Variants in KIF26B observed in about 807,000 individuals in gnomAD.
KIF26B encodes the protein kinesin family member 26B, also known as kinesin-like protein KIF26B.
A neutral mutation model predicts 151.2 loss-of-function variants in KIF26B; 63 were observed. That is an observed-to-expected ratio of 0.42 (90% CI 0.34 to 0.51). The LOEUF (loss-of-function observed/expected upper bound fraction) is 0.51, where lower values mean the gene tolerates loss of function less well. KIF26B is among the 20% of genes least tolerant of loss of function. The probability of loss-of-function intolerance (pLI) is 0.07; values close to 1 mark genes in which losing one functional copy is unlikely to be tolerated. For synonymous variants in KIF26B, 1,357 were observed against 1,262.1 expected, an observed-to-expected ratio of 1.08 and a Z score of -1.59; for missense variants, 2,813 against 2,913.6, an observed-to-expected ratio of 0.97 and a Z score of 0.79.
intron 4 of KIF26B, among the ~76,000 whole-genome samples, chr1:245,486,430 C>T (rs1004828527): frequency 6.6e-6 from 1 of 152,188 alleles, no homozygotes; most frequent in African/African-American, 2.4e-5. Flanking sequence ...ACATATAGTG[C>T]TATATAAATG....
intron 2 of KIF26B, among the ~76,000 whole-genome samples, chr1:245,344,922 G>A (rs1488120595): frequency 2.6e-5 from 4 of 151,862 alleles, no homozygotes; most frequent in Admixed American, 1.3e-4. Flanking sequence ...TCTATCCCCC[G>A]GCTTCAGTTG....
chr1:245,457,890 A>C (rs1318815809), intron 4 of KIF26B, among the ~76,000 whole-genome samples: 1 of 152,202 alleles, frequency 6.6e-6, no homozygotes, highest in Non-Finnish European at 1.5e-5. Flanking sequence ...CACACAGATA[A>C]GTTTCTCTAG....
chr1:245,204,232 C>T (rs6684360), intron 2 of KIF26B, among the ~76,000 whole-genome samples: 80,247 of 152,030 alleles, frequency 0.53, 22,669 homozygotes, highest in Non-Finnish European at 0.64. Context: ...CAAATGAAAA[C>T]GGCACTGGGG....
chr1:245,273,434 A>T lies in KIF26B; in HGVS notation c.466-93400A>T, dbSNP rs957654251. Among the ~76,000 whole-genome samples the T allele has an allele frequency of 7.2e-5, 11 of 151,728 alleles. 1 individual carries two copies. The highest frequency in any genetic ancestry group is 1.3e-4 in the Non-Finnish European group (9 of 67,938). On this transcript the variant is annotated intron_variant, in intron 2 of 14. Transcript: ENST00000407071. ...CTTATCTCAAAAAAAAAAAAAAAAA[A>T]AAAAAAACCCCAAAAAACAAAAGTG...
chr1:245,678,529 T>G (rs753742924), intron 10 of KIF26B, among the ~76,000 whole-genome samples: 6 of 152,132 alleles, frequency 3.9e-5, no homozygotes, highest in Non-Finnish European at 5.9e-5. Flanking sequence ...TCTGTGTGTG[T>G]AGTTTCCATC....
intron 4 of KIF26B, among the ~76,000 whole-genome samples, chr1:245,461,060 C>T (rs937477646): frequency 6.6e-6 from 1 of 152,288 alleles, no homozygotes; most frequent in South Asian, 2.1e-4. Context: ...CTTCCATTCT[C>T]GTGAGAGAAG....
At chr1:245,264,402 G>T (rs950477507) in intron 2 of KIF26B, among the ~76,000 whole-genome samples, 2 of 152,128 alleles carry the variant, frequency 1.3e-5, no homozygotes, top group Admixed American at 6.5e-5. Context: ...TGGATTTGTG[G>T]TTAAACATAT....
intron 4 of KIF26B, among the ~76,000 whole-genome samples, chr1:245,527,523 G>GTTTTT (rs1219756621): frequency 2.0e-4 from 8 of 40,520 alleles, no homozygotes; most frequent in Non-Finnish European, 2.8e-4. Context: ...CTTTGGGATG[G>GTTTTT]CTTTTTTTTT....
chr1:245,464,639 C>T (rs933632820), intron 4 of KIF26B, among the ~76,000 whole-genome samples: 3 of 107,450 alleles, frequency 2.8e-5, no homozygotes, highest in Non-Finnish European at 3.9e-5. Flanking sequence ...TGTTTGGCAC[C>T]GTGTGTGTGG....
intron 3 of KIF26B, among the ~76,000 whole-genome samples, chr1:245,376,968 G>A (rs886883415): frequency 2.6e-5 from 4 of 152,114 alleles, no homozygotes; most frequent in Admixed American, 6.5e-5. Context: ...GATTACAGGC[G>A]TGAGCCACTG....
At chr1:245,550,893 C>T (rs1661866077) in intron 5 of KIF26B, among the ~76,000 whole-genome samples, 1 of 152,122 alleles carries the variant, frequency 6.6e-6, no homozygotes, top group African/African-American at 2.4e-5. Flanking sequence ...TTGTTTTCCC[C>T]AAAGGTTATT....
chr1:245,280,434 G>A lies in KIF26B; in HGVS notation c.466-86400G>A, dbSNP rs1187678007. ...TACTCCCAGTTGCTCGGGAGGCTGAGGCAGGAGAATGGCGTGAACCTGGGA... is the reference window on the plus strand; with the variant it reads ...TACTCCCAGTTGCTCGGGAGGCTGAAGCAGGAGAATGGCGTGAACCTGGGA... On this transcript the variant is annotated intron_variant, in intron 2 of 14. Transcript: ENST00000407071. Among the ~76,000 whole-genome samples the A allele has an allele frequency of 5.4e-5, 8 of 149,344 alleles. No homozygotes were observed. The South Asian group carries it at 1.1e-3, about 20-fold the overall frequency.
rs1660320434 is a variant in KIF26B at position 245,488,061 on chromosome 1, T to A, written c.1167-52706T>A. The stretch of plus-strand genomic sequence containing the variant: ...CCTCAGCCTGCCAAAGTGCTGGGAT[T>A]ACAGGCATGAGCTGCCACGCCCGGC... On this transcript the variant is annotated intron_variant, in intron 4 of 14. Coordinates refer to ENST00000407071, the MANE Select transcript of KIF26B (RefSeq NM_018012.4). The surrounding 1 kb of genome is among the most constrained non-coding windows in gnomAD (Gnocchi z 4.6). Among the ~76,000 whole-genome samples, 1 of 152,152 alleles carries A rather than the reference T, an allele frequency of 6.6e-6. No individual in the cohort carries two copies. The highest frequency in any genetic ancestry group is 2.4e-5 in the African/African-American group (1 of 41,442).
In KIF26B at chr1:245,419,352, G is replaced by A. The variant is rs143196613; in HGVS notation, c.1000-227G>A. Among the ~76,000 whole-genome samples, 449 of 152,266 alleles carry A rather than the reference G, an allele frequency of 2.9e-3. 4 individuals carry two copies. The highest frequency in any genetic ancestry group is 0.01 in the African/African-American group (428 of 41,560). On this transcript the variant is annotated intron_variant, in intron 3 of 14. Coordinates refer to ENST00000407071, the MANE Select transcript of KIF26B (RefSeq NM_018012.4). Reference sequence around the variant, plus strand: ...AGACATAATTGAAACTTACAATGTCGGGGGATAATTTTATACCATTATTTT... The same window carrying A: ...AGACATAATTGAAACTTACAATGTCAGGGGATAATTTTATACCATTATTTT...
At chr1:245,398,722 A>T (rs138921906) in intron 3 of KIF26B, among the ~76,000 whole-genome samples, 1 of 151,944 alleles carries the variant, frequency 6.6e-6, no homozygotes, top group Admixed American at 6.5e-5. Context: ...TCCTCAAAAA[A>T]TTATAAATTA....
At chr1:245,552,967 A>G (rs1661929945) in intron 5 of KIF26B, among the ~76,000 whole-genome samples, 1 of 152,176 alleles carries the variant, frequency 6.6e-6, no homozygotes, top group Admixed American at 6.5e-5. Flanking sequence ...GGGGCTTGTT[A>G]GATGCTGCCC....
chr1:245,688,115 G>A lies in KIF26B; in HGVS notation c.5132G>A (p.Gly1711Asp). 2 of 1,565,052 alleles carry A rather than the reference G, an allele frequency of 1.3e-6. No homozygotes were observed. Among genetic ancestry groups the A allele is most frequent in the African/African-American group, 1.4e-5 (1 of 73,742 alleles). The part of the protein sequence containing the change: ...GTMPRAGRSL[G>D]RSAGTSPPSS... ...ATGCCCCGCGCGGGGAGGAGCCTGG[G>A]CCGCAGCGCCGGGACCTCGCCCCCC... The change falls in exon 12 of 15, where the codon GGC (glycine) becomes GAC (aspartate). Residue 1711 changes from glycine to aspartate, a missense_variant. By Grantham distance (94) the Gly-to-Asp change is moderately conservative (BLOSUM62 -1). Transcript: ENST00000407071.
At chr1:245,325,480 G>A (rs537816223) in intron 2 of KIF26B, among the ~76,000 whole-genome samples, 4 of 152,176 alleles carry the variant, frequency 2.6e-5, no homozygotes, top group South Asian at 2.1e-4. Flanking sequence ...TTGGAAAGCC[G>A]AGGCAGGCAG....
chr1:245,528,043 C>T (rs1236364725), intron 4 of KIF26B, among the ~76,000 whole-genome samples: 1 of 151,906 alleles, frequency 6.6e-6, no homozygotes, highest in Non-Finnish European at 1.5e-5. Context: ...AGGGAGCATC[C>T]GATAAGAACG....
Sources: gnomAD v4.1 joint callset for allele counts (sites outside exome capture counted in the v4.1 genomes callset) on GRCh38, gnomAD v4.1.1 for gene constraint, Gnocchi (gnomAD v3.1) non-coding constraint, MANE v1.5 for transcripts, NCBI Gene and HGNC (gene_info 2026-07-23, HGNC 2026-07-21) for gene names.